The following RGS22 variants were observed in gnomAD, a reference collection of about 807,000 sequenced individuals.
RGS22 encodes regulator of G-protein signaling 22.
Under a neutral mutation model 172.9 loss-of-function variants are expected in RGS22, and 148 were observed. The ratio of observed to expected loss-of-function variants is 0.86; its 90% CI spans 0.75 to 0.98. The LOEUF is 0.98. RGS22 is among the 50% of genes least tolerant of loss of function. RGS22 has a pLI of 0.00. For missense variants in RGS22, 1,347 were observed against 1,440.8 expected, an observed-to-expected ratio of 0.93 and a Z score of 1.05; for synonymous variants, 458 against 480.2, an observed-to-expected ratio of 0.95 and a Z score of 0.60.
chr8:100,025,003 T>TATAAATAAATAAATAAATAA (rs71572051), intron 14 of RGS22, among the ~76,000 whole-genome samples: 2 of 147,250 alleles, frequency 1.4e-5, no homozygotes, highest in South Asian at 2.2e-4. Flanking sequence ...AAAGAGGATC[T>TATAAATAAATAAATAAATAA]ATAAATAAAT....
At position 100,051,683 on chromosome 8, in the gene RGS22, ATATATATATT is replaced by A. The variant is rs1320741353; in HGVS notation, c.1689+1109_1689+1118del. 9.1e-4 allele frequency among the ~76,000 whole-genome samples: 30 copies of A among 32,794 alleles called. 12 individuals are homozygous for A. In the East Asian group the frequency reaches 0.031, roughly 34 times the overall value. 21.5% of individuals were successfully genotyped at this position (32,794 alleles called of 152,430 possible). ...AATATATATTTATATATGTTTATAC[ATATATATATT>A]TATATATACGTATATATAAATATAT... On this transcript the variant is annotated intron_variant, in intron 10 of 27. Coordinates refer to ENST00000360863, the MANE Select transcript of RGS22 (RefSeq NM_015668.5).
At chr8:100,018,055 CT>C (rs892745939) in intron 14 of RGS22, among the ~76,000 whole-genome samples, 1 of 152,136 alleles carries the variant, frequency 6.6e-6, no homozygotes, top group Non-Finnish European at 1.5e-5. Context: ...CACTGCCTGT[CT>C]GTGATCAAAC....
intron 11 of RGS22, 106 bp downstream of exon 11, chr8:100,047,357 T>C (rs1043095493): frequency 1.1e-5 from 11 of 1,002,342 alleles, no homozygotes; most frequent in African/African-American, 8.3e-5. Flanking sequence ...TAAGAACCCA[T>C]GTAAAAATAT....
At chr8:100,097,435 T>C (rs1813062330) in intron 2 of RGS22, among the ~76,000 whole-genome samples, 1 of 152,188 alleles carries the variant, frequency 6.6e-6, no homozygotes, top group African/African-American at 2.4e-5. Flanking sequence ...GCATAAAAAA[T>C]AAGATGGACT....
At chr8:99,994,977 C>A (rs948547351) in intron 20 of RGS22, among the ~76,000 whole-genome samples, 12 of 152,302 alleles carry the variant, frequency 7.9e-5, no homozygotes, top group African/African-American at 2.9e-4. Flanking sequence ...CTACAACCAT[C>A]TGATCTTTGA....
chr8:99,989,287 A>C (rs1022411873), intron 20 of RGS22, among the ~76,000 whole-genome samples: 4 of 152,206 alleles, frequency 2.6e-5, no homozygotes, highest in African/African-American at 9.6e-5. Flanking sequence ...TTATAAGCTC[A>C]AAAGGAAGAC....
At chr8:99,966,919 G>C (rs777299716) in intron 23 of RGS22, among the ~76,000 whole-genome samples, 6 of 152,108 alleles carry the variant, frequency 3.9e-5, no homozygotes, top group Non-Finnish European at 8.8e-5. Flanking sequence ...GACTATTATA[G>C]GTACCTCATC....
chr8:99,995,079 C>G (rs1440965269), intron 20 of RGS22, among the ~76,000 whole-genome samples: 2 of 152,170 alleles, frequency 1.3e-5, no homozygotes, highest in Non-Finnish European at 2.9e-5. Context: ...AAAGCTGAAA[C>G]TCAATCCCTT....
At chr8:99,967,105 G>A (rs1044400156) in intron 23 of RGS22, among the ~76,000 whole-genome samples, 5 of 152,180 alleles carry the variant, frequency 3.3e-5, no homozygotes, top group African/African-American at 9.6e-5. Flanking sequence ...GTTGCCTCAC[G>A]CAGGAAGTGC....
intron 3 of RGS22, chr8:100,080,691 G>T (rs1375545569): frequency 5.1e-6 from 1 of 196,080 alleles, no homozygotes; most frequent in East Asian, 1.4e-4. Context: ...CTTAGAAGGG[G>T]GTGGATCACT....
intron 19 of RGS22, among the ~76,000 whole-genome samples, chr8:99,997,953 G>A (rs1814569706): frequency 6.6e-6 from 1 of 152,168 alleles, no homozygotes; most frequent in Non-Finnish European, 1.5e-5. Flanking sequence ...AGACAGAGAT[G>A]TAAGTAAATG....
At position 100,072,139 on chromosome 8, in the gene RGS22, TAGTACCTGTATTCA is replaced by T; in HGVS notation, c.417_425+5del. ...AAAAATACATATATTGATGGGACTATAGTACCTGTATTCAAAGTAACAATCACTTTCCAGAAATG... is the reference window on the plus strand; with the variant it reads ...AAAAATACATATATTGATGGGACTATAAGTAACAATCACTTTCCAGAAATG... On this transcript the variant is annotated splice_donor_variant and splice_donor_5th_base_variant and coding_sequence_variant and intron_variant, in exon 5 of 28. Transcript: ENST00000360863. LOFTEE classifies it high-confidence loss of function. 6.5e-7 allele frequency: 1 copy of T among 1,539,780 alleles called. No homozygotes were observed. Among genetic ancestry groups the T allele is most frequent in the Non-Finnish European group, 8.9e-7 (1 of 1,121,692 alleles).
At chr8:100,006,186 C>T (rs1815689961) in intron 15 of RGS22, 77 bp from the exon 16 acceptor site, 1 of 1,126,398 alleles carries the variant, frequency 8.9e-7, no homozygotes, top group South Asian at 1.4e-5. Context: ...AAAACAAATA[C>T]AGTTGCCAAT....
At chr8:99,980,688 G>T (rs1228151244) in intron 22 of RGS22, among the ~76,000 whole-genome samples, 1 of 152,160 alleles carries the variant, frequency 6.6e-6, no homozygotes, top group Non-Finnish European at 1.5e-5. Flanking sequence ...AAATCAGGTA[G>T]AAGTCATAGG....
At position 100,106,036 on chromosome 8, in the gene RGS22, A is replaced by G. The variant is rs1233428551; in HGVS notation, c.-115T>C. ...GCGACGGCGCGCGGGCTCCGGAGCT[A>G]CGCTGGCTAGCGTGGCCGGCGCCGC... On this transcript the variant is annotated 5_prime_UTR_variant, in exon 1 of 28. Transcript: ENST00000360863. 2.3e-5 allele frequency: 27 copies of G among 1,179,156 alleles called. No individual in the cohort carries two copies. Among genetic ancestry groups the G allele is most frequent in the Non-Finnish European group, 4.2e-6 (4 of 954,928 alleles). The allele number at this position is 1,179,156 out of a possible 1,614,324, so 73.0% of individuals were successfully genotyped here.
intron 14 of RGS22, among the ~76,000 whole-genome samples, chr8:100,015,064 T>C (rs1194727521): frequency 2.0e-5 from 3 of 152,214 alleles, no homozygotes; most frequent in African/African-American, 7.2e-5. Context: ...AGACTTCATC[T>C]AGCCCCAAAA....
At chr8:100,044,554 C>A (rs891001187) in intron 11 of RGS22, among the ~76,000 whole-genome samples, 1 of 151,650 alleles carries the variant, frequency 6.6e-6, no homozygotes, top group Non-Finnish European at 1.5e-5. Context: ...GCCTAAAATT[C>A]TTCCTTCCTT....
intron 2 of RGS22, among the ~76,000 whole-genome samples, chr8:100,095,500 T>G (rs570658181): frequency 1.3e-5 from 2 of 152,270 alleles, no homozygotes; most frequent in East Asian, 3.9e-4. Context: ...TGTTGTTGTT[T>G]TTTTCCTTAA....
At chr8:100,099,725 A>C (rs530015826) in intron 2 of RGS22, among the ~76,000 whole-genome samples, 1 of 152,350 alleles carries the variant, frequency 6.6e-6, no homozygotes, top group Admixed American at 6.5e-5. Flanking sequence ...CATAGAGATG[A>C]AAGAATTCCA....
Sources: gnomAD v4.1 joint callset for allele counts (sites outside exome capture counted in the v4.1 genomes callset) on GRCh38, gnomAD v4.1.1 for gene constraint, MANE v1.5 for transcripts, NCBI Gene and HGNC (gene_info 2026-07-23, HGNC 2026-07-21) for gene names.